The following SLC6A7 variants were observed in gnomAD, a reference collection of about 807,000 sequenced individuals.
The protein encoded by SLC6A7 is solute carrier family 6 member 7, also known as sodium-dependent proline transporter.
SLC6A7 carries 58 observed loss-of-function variants against 73.1 expected under a neutral mutation model. That is an observed-to-expected ratio of 0.79 (90% CI 0.64 to 0.99). The LOEUF (loss-of-function observed/expected upper bound fraction) is 0.99, where lower values mean the gene tolerates loss of function less well. Among genes scored for constraint, SLC6A7 ranks in the 50% least tolerant of loss-of-function variants. The probability of loss-of-function intolerance (pLI) is 0.00; values close to 1 mark genes in which losing one functional copy is unlikely to be tolerated. For missense variants in SLC6A7, 783 were observed against 831.4 expected (o/e 0.94, Z 0.72); for synonymous variants, 338 against 338.7 (o/e 1.00, Z 0.02).
intron 13 of SLC6A7, among the ~76,000 whole-genome samples, chr5:150,207,185 C>T (rs1406198287): frequency 6.6e-6 from 1 of 152,142 alleles, no homozygotes; most frequent in Non-Finnish European, 1.5e-5. Context: ...GAGTGTTGCT[C>T]TGTCACCCAG....
chr5:150,197,132 C>A lies in SLC6A7; in HGVS notation c.440C>A (p.Ser147Tyr). 1 of 1,614,124 alleles carries A rather than the reference C, an allele frequency of 6.2e-7. No homozygotes were observed. The highest frequency in any genetic ancestry group is 8.5e-7 in the Non-Finnish European group (1 of 1,180,016). Residue 147 changes from serine to tyrosine, a missense_variant, in exon 4 of 14, where the codon TCC becomes TAC. Transcript: ENST00000230671. The stretch of plus-strand genomic sequence containing the variant: ...TACGTGCTCTTCTACCTCTTCGCCT[C>A]CCTCACCAGCGACCTACCCTGGGAG... ...IAYVLFYLFASLTSDLPWEHC... is the reference protein window; with the variant it reads ...IAYVLFYLFAYLTSDLPWEHC...
chr5:150,203,680 C>A lies in SLC6A7; in HGVS notation c.1101C>A (p.Ala367=), dbSNP rs765874699. The change falls in exon 9 of 14, where the codon GCC becomes GCA. Residue 367 remains alanine (A), a synonymous_variant. Transcript: ENST00000230671. ...DQVAKAGPGL[A]FVVYPQAMTM... is the part of the protein sequence containing the mutation. Reference sequence around the variant, plus strand: ...CCCCTGGCCCAGGCCCTGGCCTGGCCTTTGTCGTCTACCCACAGGCCATGA... The same window carrying A: ...CCCCTGGCCCAGGCCCTGGCCTGGCATTTGTCGTCTACCCACAGGCCATGA... The A allele has an allele frequency of 8.7e-6, 14 of 1,608,660 alleles. No individual in the cohort carries two copies. The highest frequency in any genetic ancestry group is 1.2e-5 in the Non-Finnish European group (14 of 1,175,222).
intron 10 of SLC6A7, 150 bp from the exon 11 acceptor site, chr5:150,204,382 G>A (rs1753566440): frequency 2.9e-6 from 2 of 699,218 alleles, no homozygotes; most frequent in Non-Finnish European, 5.2e-6. Context: ...ATAAGACAAG[G>A]CCTAGAAGGG....
At chr5:150,209,110 A>G (rs1224223489) in intron 13 of SLC6A7, among the ~76,000 whole-genome samples, 1 of 152,210 alleles carries the variant, frequency 6.6e-6, no homozygotes, top group African/African-American at 2.4e-5. Context: ...GTGCCTTCAC[A>G]ACAACCCTGT....
Position 150,209,467 on chromosome 5 carries a change from C to A in SLC6A7, c.1763C>A (p.Thr588Lys), listed in dbSNP as rs375087180. 1.9e-6 allele frequency: 3 copies of A among 1,614,168 alleles called. No homozygotes were observed. The highest frequency in any genetic ancestry group is 2.5e-6 in the Non-Finnish European group (3 of 1,180,042). ...DWGPSLEENR[T>K]GMYVATLAGS... is the part of the protein sequence containing the mutation. ...GGACCATCGCTGGAGGAGAACCGGA[C>A]GGGCATGTATGTGGCCACGCTGGCT... Residue 588 changes from threonine (T) to lysine (K), a missense_variant, in exon 14 of 14, where the codon ACG (threonine) becomes AAG (lysine). Coordinates refer to ENST00000230671, the MANE Select transcript of SLC6A7 (RefSeq NM_014228.5).
rs1485822137 is a variant in SLC6A7, at chr5:150,209,716, T to TG, written c.*108dup. On this transcript the variant is annotated 3_prime_UTR_variant, in exon 14 of 14. Transcript: ENST00000230671. ...TGCCCTCTGGGATTCTGAGAGGCTA[T>TG]GGGGGGGCCTGCCATAGGGATGCCA... 17 of 965,406 alleles carry TG rather than the reference T, an allele frequency of 1.8e-5. No individual in the cohort carries two copies. Among genetic ancestry groups the TG allele is most frequent in the South Asian group, 3.1e-5 (2 of 64,728 alleles). The allele number at this position is 965,406 out of a possible 1,614,324, so 59.8% of individuals were successfully genotyped here.
intron 2 of SLC6A7, chr5:150,195,161 T>C (rs1752961329): frequency 2.3e-6 from 1 of 444,412 alleles, no homozygotes; most frequent in Middle Eastern, 6.1e-4. Context: ...TCTCTAAGGC[T>C]GGCCACCCCA....
chr5:150,201,307 A>C, intron 6 of SLC6A7, 84 bp downstream of exon 6: 5 of 967,808 alleles, frequency 5.2e-6, no homozygotes, highest in Non-Finnish European at 7.5e-6. Context: ...ACACCGCAGT[A>C]CCAGGCACTC....
At chr5:150,200,281 T>C (rs2113978283) in intron 5 of SLC6A7, among the ~76,000 whole-genome samples, 1 of 152,234 alleles carries the variant, frequency 6.6e-6, no homozygotes, top group African/African-American at 2.4e-5. Flanking sequence ...TCACCTGAGG[T>C]CAGGAATTCA....
rs2240793 is a variant in SLC6A7 at position 150,203,737 on chromosome 5, T to C, written c.1158T>C (p.Phe386=). Residue 386 remains phenylalanine (F), a synonymous_variant, in exon 9 of 14, where the codon TTT becomes TTC. Transcript: ENST00000230671. The part of the protein sequence containing the change: ...TMLPLSPFWS[F]LFFFMLLTLG... ...TGCCTCTGTCACCCTTCTGGTCCTTTCTCTTCTTCTTCATGCTTCTGACTC... is the reference window on the plus strand; with the variant it reads ...TGCCTCTGTCACCCTTCTGGTCCTTCCTCTTCTTCTTCATGCTTCTGACTC... 1,194,532 of 1,603,854 alleles carry C rather than the reference T, an allele frequency of 0.74. 449,061 individuals carry two copies. Among genetic ancestry groups the C allele is most frequent in the Middle Eastern group, 0.79 (4,764 of 6,046 alleles).
chr5:150,204,445 C>G (rs1580869360), intron 10 of SLC6A7, 87 bp from the exon 11 acceptor site: 2 of 1,037,130 alleles, frequency 1.9e-6, no homozygotes. Flanking sequence ...AGCATGGCTG[C>G]TTCCTGCTCA....
chr5:150,196,943 G>A, intron 3 of SLC6A7, 96 bp downstream of exon 3: 2 of 1,530,294 alleles, frequency 1.3e-6, no homozygotes, highest in Non-Finnish European at 1.8e-6. Context: ...AGGCAGAGGT[G>A]GAAGTGAAGC....
chr5:150,201,042 G>T, intron 5 of SLC6A7, 47 bp from the exon 6 acceptor site: 1 of 1,607,728 alleles, frequency 6.2e-7, no homozygotes. Context: ...GAATGGCACT[G>T]AGTCAAGGTC....
chr5:150,205,392 T>A (rs915809285), intron 12 of SLC6A7, 64 bp from the exon 13 acceptor site: 3 of 1,301,132 alleles, frequency 2.3e-6, no homozygotes. Flanking sequence ...TAGGCTGGGC[T>A]ACCTCGGGCC....
chr5:150,193,994 T>C (rs1752898258), intron 1 of SLC6A7, among the ~76,000 whole-genome samples: 1 of 152,132 alleles, frequency 6.6e-6, no homozygotes, highest in African/African-American at 2.4e-5. Flanking sequence ...AATACTGAGC[T>C]CAAAAAGTTG....
chr5:150,200,946 G>T, intron 5 of SLC6A7, 143 bp from the exon 6 acceptor site: 1 of 748,072 alleles, frequency 1.3e-6, no homozygotes, highest in South Asian at 1.7e-5. Flanking sequence ...TGTGAAGGGA[G>T]GAGGGAAGCC....
intron 1 of SLC6A7, among the ~76,000 whole-genome samples, chr5:150,192,575 C>T (rs1752835045): frequency 6.6e-6 from 1 of 152,232 alleles, no homozygotes; most frequent in African/African-American, 2.4e-5. Context: ...TGGGATTCAC[C>T]CCATGGTGGG....
At chr5:150,206,806 G>T (rs12652602) in intron 13 of SLC6A7, among the ~76,000 whole-genome samples, 30,101 of 152,214 alleles carry the variant, frequency 0.2, 3,323 homozygotes, top group South Asian at 0.32. Context: ...AGTTGCTTAG[G>T]GGGGAGGCTC....
chr5:150,198,115 G>GA (rs1224170798), intron 4 of SLC6A7, among the ~76,000 whole-genome samples: 2,723 of 77,454 alleles, frequency 0.035, 183 homozygotes, highest in African/African-American at 0.096. Flanking sequence ...AAGAAAGAAA[G>GA]AGAAAGAAAG....
Sources: gnomAD v4.1 joint callset for allele counts (sites outside exome capture counted in the v4.1 genomes callset) on GRCh38, gnomAD v4.1.1 for gene constraint, MANE v1.5 for transcripts, NCBI Gene and HGNC (gene_info 2026-07-23, HGNC 2026-07-21) for gene names.